Variants in CFAP299 observed in about 807,000 individuals in gnomAD.
The protein encoded by CFAP299 is cilia- and flagella-associated protein 299.
A neutral mutation model predicts 27.0 loss-of-function variants in CFAP299; 21 were observed. That is an observed-to-expected ratio of 0.78 (90% CI 0.55 to 1.12). The LOEUF is 1.12. Among genes scored for constraint, CFAP299 ranks in the 50% most tolerant of loss-of-function variants. The probability of loss-of-function intolerance (pLI) is 0.00; values close to 1 mark genes in which losing one functional copy is unlikely to be tolerated. For synonymous variants in CFAP299, 104 were observed against 98.1 expected (o/e 1.06, Z -0.36); for missense variants, 310 against 276.6 (o/e 1.12, Z -0.86).
chr4:80,580,343 C>T (rs1238779973), intron 2 of CFAP299, among the ~76,000 whole-genome samples: 6 of 151,874 alleles, frequency 4.0e-5, no homozygotes, highest in Admixed American at 1.3e-4. Context: ...AGGCAAAGAG[C>T]GTGGAAAAGA....
intron 2 of CFAP299, among the ~76,000 whole-genome samples, chr4:80,520,120 T>G (rs1560605590): frequency 6.6e-6 from 1 of 152,204 alleles, no homozygotes; most frequent in African/African-American, 2.4e-5. Context: ...TTTAAAGCTA[T>G]TTATTTAATT....
intron 3 of CFAP299, among the ~76,000 whole-genome samples, chr4:80,813,886 A>G (rs918373811): frequency 6.6e-6 from 1 of 152,028 alleles, no homozygotes; most frequent in Non-Finnish European, 1.5e-5. Flanking sequence ...GAATAATTGA[A>G]AAGTCCTTAC....
At position 80,549,990 on chromosome 4, in the gene CFAP299, T is replaced by C. The variant is rs374908407; in HGVS notation, c.243-33103T>C. On this transcript the variant is annotated intron_variant, in intron 2 of 5. Transcript: ENST00000358105. ...ACTCAAACTTCTTAAATGTTATCAG[T>C]TTATGAAATAACATATTGACTTTTA... Among the ~76,000 whole-genome samples the C allele has an allele frequency of 1.3e-4, 20 of 152,112 alleles. No homozygotes were observed. In the South Asian group the frequency reaches 3.9e-3, roughly 30 times the overall value.
At chr4:80,890,435 T>C (rs956937452) in intron 4 of CFAP299, among the ~76,000 whole-genome samples, 1 of 152,176 alleles carries the variant, frequency 6.6e-6, no homozygotes, top group Non-Finnish European at 1.5e-5. Context: ...ATGAAACATC[T>C]ATACAATGAA....
At chr4:80,850,119 T>C (rs1731427914) in intron 3 of CFAP299, among the ~76,000 whole-genome samples, 1 of 152,162 alleles carries the variant, frequency 6.6e-6, no homozygotes, top group South Asian at 2.1e-4. Flanking sequence ...GAATAGATAC[T>C]TCAACTTTCT....
At chr4:80,618,806 T>C (rs1288087506) in intron 3 of CFAP299, among the ~76,000 whole-genome samples, 1 of 152,034 alleles carries the variant, frequency 6.6e-6, no homozygotes, top group East Asian at 1.9e-4. Context: ...TTTTACTTAG[T>C]GTAATAAGGG....
Position 80,362,750 on chromosome 4 carries a change from C to A in CFAP299, c.112-4C>A. The A allele has an allele frequency of 6.3e-7, 1 of 1,596,306 alleles. No homozygotes were observed. Among genetic ancestry groups the A allele is most frequent in the Admixed American group, 1.8e-5 (1 of 54,238 alleles). ...ACTCACCTAACAACTGATTTTCTCTCTAGGATGAAACCCTGGCCCGCCAGT... is the reference window on the plus strand; with the variant it reads ...ACTCACCTAACAACTGATTTTCTCTATAGGATGAAACCCTGGCCCGCCAGT... On this transcript the variant is annotated splice_region_variant and splice_polypyrimidine_tract_variant and intron_variant, in intron 1 of 5. Coordinates refer to ENST00000358105, the MANE Select transcript of CFAP299 (RefSeq NM_152770.3).
chr4:80,844,841 C>A (rs1489254208), intron 3 of CFAP299, among the ~76,000 whole-genome samples: 2 of 152,184 alleles, frequency 1.3e-5, no homozygotes, highest in Non-Finnish European at 2.9e-5. Flanking sequence ...TGCCTATGTC[C>A]TGAATGGTTT....
intron 4 of CFAP299, among the ~76,000 whole-genome samples, chr4:80,925,010 C>G (rs925543733): frequency 6.6e-6 from 1 of 151,736 alleles, no homozygotes; most frequent in Non-Finnish European, 1.5e-5. Context: ...CACATTTTCC[C>G]TATTTGTTGT....
chr4:80,388,745 A>T, intron 2 of CFAP299: 1 of 516,444 alleles, frequency 1.9e-6, no homozygotes, highest in South Asian at 3.1e-5. Flanking sequence ...CTTATAATTA[A>T]TCAATAGATT....
chr4:80,810,351 GACACACACACAC>G (rs70956066), intron 3 of CFAP299, among the ~76,000 whole-genome samples: 1 of 147,682 alleles, frequency 6.8e-6, no homozygotes, highest in East Asian at 2.0e-4. Flanking sequence ...CCCAACCCCT[GACACACACACAC>G]ACACACACAC....
intron 5 of CFAP299, among the ~76,000 whole-genome samples, chr4:80,960,112 TAA>T (rs397971653): frequency 2.9e-5 from 4 of 139,082 alleles, no homozygotes; most frequent in Admixed American, 7.3e-5. Context: ...CATAGGAAGT[TAA>T]AAAAAAAAAA....
intron 4 of CFAP299, among the ~76,000 whole-genome samples, chr4:80,912,539 G>T (rs529373542): frequency 6.6e-6 from 1 of 152,152 alleles, no homozygotes; most frequent in African/African-American, 2.4e-5. Flanking sequence ...CTCATTGTGT[G>T]AGGACTGCAA....
At chr4:80,494,321 A>C (rs946939813) in intron 2 of CFAP299, among the ~76,000 whole-genome samples, 5 of 152,314 alleles carry the variant, frequency 3.3e-5, no homozygotes, top group African/African-American at 1.2e-4. Context: ...ATCCTAGACC[A>C]ACTCACTGTC....
chr4:80,418,069 G>A (rs1308356088), intron 2 of CFAP299, among the ~76,000 whole-genome samples: 1 of 152,076 alleles, frequency 6.6e-6, no homozygotes, highest in Non-Finnish European at 1.5e-5. Flanking sequence ...CAGCATAAGT[G>A]GACAAAGCCA....
chr4:80,391,461 A>T (rs368302192), intron 2 of CFAP299, among the ~76,000 whole-genome samples: 7 of 152,118 alleles, frequency 4.6e-5, no homozygotes, highest in African/African-American at 1.7e-4. Flanking sequence ...GCTTTCCCTG[A>T]TGACTAGTGA....
At chr4:80,388,314 C>T (rs569412444) in intron 2 of CFAP299, 14 of 686,754 alleles carry the variant, frequency 2.0e-5, no homozygotes, top group African/African-American at 1.2e-4. Context: ...TCATTGCTTA[C>T]CAAGATGTTC....
chr4:80,392,769 GA>G (rs56068053), intron 2 of CFAP299, among the ~76,000 whole-genome samples: 1 of 149,252 alleles, frequency 6.7e-6, no homozygotes, highest in Non-Finnish European at 1.5e-5. Flanking sequence ...TCTCAAAAAT[GA>G]AAAAAAAAGT....
At chr4:80,945,442 C>A (rs948363423) in intron 5 of CFAP299, among the ~76,000 whole-genome samples, 7 of 152,142 alleles carry the variant, frequency 4.6e-5, no homozygotes, top group African/African-American at 1.7e-4. Flanking sequence ...AAAGACATGT[C>A]TCATGATATT....
Sources: gnomAD v4.1 joint callset for allele counts (sites outside exome capture counted in the v4.1 genomes callset) on GRCh38, gnomAD v4.1.1 for gene constraint, MANE v1.5 for transcripts, NCBI Gene and HGNC (gene_info 2026-07-23, HGNC 2026-07-21) for gene names.